The following SULT1A2 variants were observed in gnomAD, a reference collection of about 807,000 sequenced individuals.
The protein encoded by SULT1A2 is sulfotransferase 1A2.
Under a neutral mutation model 36.0 loss-of-function variants are expected in SULT1A2, and 33 were observed. That is an observed-to-expected ratio of 0.92 (90% CI 0.69 to 1.22). The LOEUF is 1.22. SULT1A2 is among the 50% of genes most tolerant of loss of function. SULT1A2 has a pLI of 0.00. For synonymous variants in SULT1A2, 138 were observed against 144.5 expected (o/e 0.96, Z 0.32); for missense variants, 367 against 383.2 (o/e 0.96, Z 0.35).
At chr16:28,593,674 C>G in intron 4 of SULT1A2, 106 bp from the exon 5 acceptor site, 1 of 1,564,102 alleles carries the variant, frequency 6.4e-7, no homozygotes, top group Non-Finnish European at 8.7e-7. Flanking sequence ...TAGAGGCTGA[C>G]TTGTTTGAGA....
intron 1 of SULT1A2, 83 bp from the exon 2 acceptor site, chr16:28,596,017 C>G (rs2047056669): frequency 6.3e-7 from 1 of 1,582,276 alleles, no homozygotes; most frequent in African/African-American, 1.3e-5. Flanking sequence ...TCAGGGAAGT[C>G]ACTGAGGCCT....
At chr16:28,596,964 G>C (rs2047065564) in intron 1 of SULT1A2, 33 bp downstream of exon 1, 1 of 1,231,550 alleles carries the variant, frequency 8.1e-7, no homozygotes, top group Non-Finnish European at 1.0e-6. Context: ...AGCAGGGTGA[G>C]GGCGTCCTGG....
At position 28,595,363 on chromosome 16, in the gene SULT1A2, T is replaced by C. The variant is rs1318969180; in HGVS notation, c.372+4A>G. The C allele has an allele frequency of 6.2e-7, 1 of 1,613,926 alleles. No homozygotes were observed. The highest frequency in any genetic ancestry group is 8.5e-7 in the Non-Finnish European group (1 of 1,179,908). ...CGGGTGTGAACCACTGTGCCCAGTC[T>C]CACCTTGACCTTCTGATCCAACAGA... On this transcript the variant is annotated splice_donor_region_variant and intron_variant, in intron 4 of 7. Coordinates refer to ENST00000335715, the MANE Select transcript of SULT1A2 (RefSeq NM_001054.4).
chr16:28,595,751 C>A (rs764384372), intron 2 of SULT1A2, 32 bp downstream of exon 2: 3 of 1,612,002 alleles, frequency 1.9e-6, no homozygotes, highest in Non-Finnish European at 2.5e-6. Flanking sequence ...GGACTGCCAC[C>A]TGGGAGAGGG....
At position 28,593,154 on chromosome 16, in the gene SULT1A2, GGGCCGCCCAGGGAGGGTGGCTGGGT is replaced by G; in HGVS notation, c.594+73_594+97del. 3 of 1,553,546 alleles carry G rather than the reference GGGCCGCCCAGGGAGGGTGGCTGGGT, an allele frequency of 1.9e-6. No homozygotes were observed. In the South Asian group the frequency reaches 3.6e-5, roughly 19 times the overall value. ...GATGGGGAATCCGGGCCTGCTGGAG[GGGCCGCCCAGGGAGGGTGGCTGGGT>G]GGCCTTGGCAGGTCCCTGTGAAGTG... On this transcript the variant is annotated intron_variant, in intron 6 of 7. Transcript: ENST00000335715.
At chr16:28,594,109 G>GA (rs887009473) in intron 4 of SULT1A2, among the ~76,000 whole-genome samples, 3 of 132,888 alleles carry the variant, frequency 2.3e-5, no homozygotes, top group Non-Finnish European at 4.8e-5. Context: ...TTTTTTTTTG[G>GA]GGGGGGGGAC....
chr16:28,593,408 A>G (rs756113245), intron 5 of SULT1A2, 34 bp downstream of exon 5: 55 of 1,613,940 alleles, frequency 3.4e-5, no homozygotes, highest in Admixed American at 6.7e-5. Flanking sequence ...ACCACCCCTT[A>G]GCTCCACACC....
rs1175800987 is a variant in SULT1A2, at chr16:28,595,640, A to G, written c.184T>C (p.Tyr62His). 7 of 1,614,080 alleles carry G rather than the reference A, an allele frequency of 4.3e-6. No individual in the cohort carries two copies. In the Admixed American group the frequency reaches 1.2e-4, roughly 27 times the overall value. Residue 62 changes from tyrosine to histidine, a missense_variant, in exon 3 of 8, where the codon TAC (tyrosine) becomes CAC (histidine). Physicochemically the swap from Tyr to His is moderately conservative, Grantham distance 83. Coordinates refer to ENST00000335715, the MANE Select transcript of SULT1A2 (RefSeq NM_001054.4). ...TWVSQILDMI[Y>H]QGGDLEKCHR... ...CACTTTTCCAGGTCACCGCCCTGGT[A>G]GATCATGTCCAGAATCTGGCTCACC...
chr16:28,595,948 C>T lies in SULT1A2; in HGVS notation c.-4-14G>A. 6.2e-7 allele frequency: 1 copy of T among 1,602,922 alleles called. No individual in the cohort carries two copies. The highest frequency in any genetic ancestry group is 8.5e-7 in the Non-Finnish European group (1 of 1,174,328). On this transcript the variant is annotated splice_polypyrimidine_tract_variant and intron_variant, in intron 1 of 7. Coordinates refer to ENST00000335715, the MANE Select transcript of SULT1A2 (RefSeq NM_001054.4). Reference sequence around the variant, plus strand: ...AGCTCCATGTTCCTGCGTCAGGGGCCAGAGCCAGGCCCGTTCCCTTACCAC... The same window carrying T: ...AGCTCCATGTTCCTGCGTCAGGGGCTAGAGCCAGGCCCGTTCCCTTACCAC...
rs1216099859 is a variant in SULT1A2, at chr16:28,592,305, G to A, written c.733C>T (p.Arg245Trp). ...NPMTNYTTVR[R>W]EFMDHSISPF... ...GAGATGCTGTGGTCCATGAACTCCC[G>A]GCGGACGGTGGTGTAGTTGGTCATA... The change falls in exon 7 of 8, where the codon CGG becomes TGG. Residue 245 changes from arginine (R) to tryptophan (W), a missense_variant. Arg to Trp is a moderately radical substitution (Grantham distance 101). Transcript: ENST00000335715. The A allele has an allele frequency of 1.6e-5, 26 of 1,613,920 alleles. No individual in the cohort carries two copies. Among genetic ancestry groups the A allele is most frequent in the East Asian group, 4.5e-5 (2 of 44,866 alleles).
rs749066615 is a variant in SULT1A2, at chr16:28,592,060, C to G, written c.856G>C (p.Gly286Arg). Residue 286 changes from glycine to arginine, a missense_variant, in exon 8 of 8, where the codon GGC (glycine) becomes CGC (arginine). Coordinates refer to ENST00000335715, the MANE Select transcript of SULT1A2 (RefSeq NM_001054.4). ...TCAGAGCGGAAGCTGAGGCTGCAGC[C>G]TGCCATCTTCTTCGCATAGTCCGCA... ...FDADYAKKMA[G>R]CSLSFRSEL The G allele has an allele frequency of 2.5e-6, 4 of 1,612,036 alleles. No homozygotes were observed. In the South Asian group the frequency reaches 4.4e-5, roughly 18 times the overall value.
intron 4 of SULT1A2, among the ~76,000 whole-genome samples, 197 bp downstream of exon 4, chr16:28,595,170 C>A: frequency 6.6e-6 from 1 of 152,046 alleles, no homozygotes; most frequent in East Asian, 1.9e-4. Context: ...CTCACTGTAG[C>A]CTTAAACTCC....
rs11569775 is a variant in SULT1A2, at chr16:28,596,205, C to T, written c.-4-271G>A. On this transcript the variant is annotated intron_variant, in intron 1 of 7. Coordinates refer to ENST00000335715, the MANE Select transcript of SULT1A2 (RefSeq NM_001054.4). ...TGGTGCAGACCAGTGAAAGCACCCTCGTGGCGCGGGGCCCAGATGTCAGGG... is the reference window on the plus strand; with the variant it reads ...TGGTGCAGACCAGTGAAAGCACCCTTGTGGCGCGGGGCCCAGATGTCAGGG... The T allele has an allele frequency of 2.0e-5, 28 of 1,386,878 alleles. No homozygotes were observed. The African/African-American group carries it at 2.6e-4, about 13-fold the overall frequency. The allele number at this position is 1,386,878 out of a possible 1,614,324, so 85.9% of individuals were successfully genotyped here.
chr16:28,592,466 GTGGAGGCT>G, intron 6 of SULT1A2, 23 bp from the exon 7 acceptor site: 1 of 1,614,188 alleles, frequency 6.2e-7, no homozygotes, highest in Non-Finnish European at 8.5e-7. Context: ...GGGCTCCTCA[GTGGAGGCT>G]TGGATTGCTG....
intron 6 of SULT1A2, 75 bp from the exon 7 acceptor site, chr16:28,592,518 C>T: frequency 3.1e-6 from 5 of 1,606,584 alleles, no homozygotes; most frequent in Admixed American, 3.4e-5. Context: ...ACTTCTCTAA[C>T]CTCAGAGGGG....
At chr16:28,593,382 G>T (rs2047019427) in intron 5 of SULT1A2, 36 bp from the exon 6 acceptor site, 2 of 1,614,066 alleles carry the variant, frequency 1.2e-6, no homozygotes, top group African/African-American at 1.3e-5. Context: ...ACACAGGGTT[G>T]CTGTGCGTTG....
chr16:28,596,019 C>G (rs1379269953), intron 1 of SULT1A2, 85 bp from the exon 2 acceptor site: 1 of 1,581,924 alleles, frequency 6.3e-7, no homozygotes, highest in Admixed American at 1.8e-5. Flanking sequence ...AGGGAAGTCA[C>G]TGAGGCCTAG....
Position 28,592,417 on chromosome 16 carries a change from G to C in SULT1A2, c.621C>G (p.Ile207Met). 1.2e-6 allele frequency: 2 copies of C among 1,614,160 alleles called. No homozygotes were observed. The highest frequency in any genetic ancestry group is 1.7e-6 in the Non-Finnish European group (2 of 1,180,030). ...GCAGGGAGCGCCCCACAAACTCCAG[G>C]ATCTTTTGAATCTCCCTTTTGGGGT... is the stretch of plus-strand genomic sequence containing the variant. ...KENPKREIQK[I>M]LEFVGRSLPE... Residue 207 changes from isoleucine to methionine, a missense_variant, in exon 7 of 8, where the codon ATC becomes ATG. Transcript: ENST00000335715.
chr16:28,596,489 G>A, intron 1 of SULT1A2: 2 of 617,846 alleles, frequency 3.2e-6, no homozygotes, highest in Non-Finnish European at 2.2e-6. Flanking sequence ...ACAGCCCATT[G>A]AGCAACTGAG....
Sources: gnomAD v4.1 joint callset for allele counts (sites outside exome capture counted in the v4.1 genomes callset) on GRCh38, gnomAD v4.1.1 for gene constraint, MANE v1.5 for transcripts, NCBI Gene and HGNC (gene_info 2026-07-23, HGNC 2026-07-21) for gene names.